CABLES1: variants seen among roughly 807,000 people sequenced by gnomAD.
CABLES1 encodes the protein Cdk5 and Abl enzyme substrate 1.
In CABLES1, 36 loss-of-function variants were observed where a neutral mutation model predicts 57.8. That is an observed-to-expected ratio of 0.62 (90% CI 0.48 to 0.82). The LOEUF (loss-of-function observed/expected upper bound fraction) is 0.82, where lower values mean the gene tolerates loss of function less well. Among genes scored for constraint, CABLES1 ranks in the 40% least tolerant of loss-of-function variants. The probability of loss-of-function intolerance (pLI) is 0.00; values close to 1 mark genes in which losing one functional copy is unlikely to be tolerated. For missense variants in CABLES1, 767 were observed against 836.6 expected (o/e 0.92, Z 1.03); for synonymous variants, 374 against 363.0 (o/e 1.03, Z -0.35).
intron 1 of CABLES1, among the ~76,000 whole-genome samples, chr18:23,165,535 C>G (rs78626195): frequency 0.048 from 7,347 of 151,974 alleles, 425 homozygotes; most frequent in African/African-American, 0.14. Flanking sequence ...CTCCTGCCCC[C>G]CCAGTCCCTG....
At chr18:23,166,738 A>G (rs528478618) in intron 1 of CABLES1, among the ~76,000 whole-genome samples, 6 of 152,180 alleles carry the variant, frequency 3.9e-5, no homozygotes, top group Admixed American at 1.3e-4. Context: ...TAGAGATCAA[A>G]CAGCATGTAC....
At chr18:23,246,505 C>T (rs978562201) in intron 7 of CABLES1, among the ~76,000 whole-genome samples, 2 of 152,068 alleles carry the variant, frequency 1.3e-5, no homozygotes, top group East Asian at 1.9e-4. Flanking sequence ...CATTCTCCTG[C>T]GTCAGCCTCC....
At chr18:23,226,649 C>A (rs1401786527) in intron 4 of CABLES1, among the ~76,000 whole-genome samples, 1 of 152,158 alleles carries the variant, frequency 6.6e-6, no homozygotes, top group Non-Finnish European at 1.5e-5. Flanking sequence ...AGCCCAGGAG[C>A]TTCTAGAGCA....
At chr18:23,158,259 A>G (rs567315259) in intron 1 of CABLES1, among the ~76,000 whole-genome samples, 18 of 152,240 alleles carry the variant, frequency 1.2e-4, no homozygotes, top group African/African-American at 4.1e-4. Flanking sequence ...CTGTGTTTGC[A>G]TCACTGCATT....
chr18:23,155,565 G>T (rs1261755772), intron 1 of CABLES1, among the ~76,000 whole-genome samples: 1 of 152,142 alleles, frequency 6.6e-6, no homozygotes, highest in South Asian at 2.1e-4. Context: ...ATTAGCATTG[G>T]CATCTCCCGC....
At chr18:23,177,418 T>TAC (rs10692529) in intron 1 of CABLES1, among the ~76,000 whole-genome samples, 67,004 of 144,506 alleles carry the variant, frequency 0.46, 15,902 homozygotes, top group Non-Finnish European at 0.53. Context: ...AGCACATGTG[T>TAC]ACACACACAC....
At chr18:23,237,660 T>C (rs1219171303) in intron 7 of CABLES1, among the ~76,000 whole-genome samples, 1 of 152,270 alleles carries the variant, frequency 6.6e-6, no homozygotes, top group East Asian at 1.9e-4. Flanking sequence ...GGCCCCAGGC[T>C]GGGGATGACA....
At chr18:23,202,016 G>A (rs527325871) in intron 3 of CABLES1, among the ~76,000 whole-genome samples, 1 of 152,016 alleles carries the variant, frequency 6.6e-6, no homozygotes, top group African/African-American at 2.4e-5. Flanking sequence ...GGAACTTTAG[G>A]AAAGCCCGCA....
At chr18:23,152,072 A>G (rs2046934626) in intron 1 of CABLES1, among the ~76,000 whole-genome samples, 1 of 152,180 alleles carries the variant, frequency 6.6e-6, no homozygotes, top group Admixed American at 6.5e-5. Context: ...TCTCTGAGAC[A>G]GGAGTATTAG....
chr18:23,143,011 G>C (rs2046867160), intron 1 of CABLES1, among the ~76,000 whole-genome samples: 1 of 152,128 alleles, frequency 6.6e-6, no homozygotes, highest in Admixed American at 6.5e-5. Flanking sequence ...ACTTGTCTGG[G>C]GTCCTGTGCT....
At chr18:23,201,350 C>T (rs75350620) in intron 3 of CABLES1, among the ~76,000 whole-genome samples, 6,343 of 152,278 alleles carry the variant, frequency 0.042, 155 homozygotes, top group Middle Eastern at 0.075. Flanking sequence ...CCAACCAGGG[C>T]GGGTCCCATC....
At chr18:23,185,917 A>G (rs145992962) in intron 1 of CABLES1, among the ~76,000 whole-genome samples, 1 of 152,336 alleles carries the variant, frequency 6.6e-6, no homozygotes, top group Non-Finnish European at 1.5e-5. Flanking sequence ...AGAGATAAAC[A>G]GTAAATCTTT....
At chr18:23,166,555 A>G (rs946239149) in intron 1 of CABLES1, among the ~76,000 whole-genome samples, 1 of 152,186 alleles carries the variant, frequency 6.6e-6, no homozygotes, top group Non-Finnish European at 1.5e-5. Flanking sequence ...AAAAAGGAAT[A>G]CTTGCATGAA....
chr18:23,234,741 G>A, intron 5 of CABLES1, 37 bp downstream of exon 5: 1 of 1,520,636 alleles, frequency 6.6e-7, no homozygotes, highest in Non-Finnish European at 9.1e-7. Flanking sequence ...AAGTTGTGCT[G>A]AAGGCACAAG....
At chr18:23,173,491 A>C (rs765628513) in intron 1 of CABLES1, among the ~76,000 whole-genome samples, 1 of 152,258 alleles carries the variant, frequency 6.6e-6, no homozygotes, top group Non-Finnish European at 1.5e-5. Flanking sequence ...TAAGGATCTT[A>C]GCAAGGGCTT....
intron 1 of CABLES1, among the ~76,000 whole-genome samples, chr18:23,179,763 C>T (rs923835871): frequency 2.0e-5 from 3 of 152,244 alleles, no homozygotes; most frequent in African/African-American, 4.8e-5. Flanking sequence ...CAAAACAAAG[C>T]ATGTGTCTAA....
chr18:23,247,846 G>A (rs778131106), intron 7 of CABLES1, among the ~76,000 whole-genome samples: 35 of 152,342 alleles, frequency 2.3e-4, no homozygotes, highest in Admixed American at 5.9e-4. Flanking sequence ...GGAGAGCCTC[G>A]TCCTCCTGGT....
intron 1 of CABLES1, among the ~76,000 whole-genome samples, chr18:23,181,031 G>A (rs534063004): frequency 6.6e-6 from 1 of 152,264 alleles, no homozygotes. Context: ...GTCGGTAAAG[G>A]AGGCTAGAAC....
chr18:23,237,314 T>C, intron 7 of CABLES1, 69 bp downstream of exon 7: 1 of 1,023,350 alleles, frequency 9.8e-7, no homozygotes, highest in East Asian at 2.4e-5. Flanking sequence ...GGTGGCCGGC[T>C]GGGGGCTTGT....
Sources: gnomAD v4.1 joint callset for allele counts (sites outside exome capture counted in the v4.1 genomes callset) on GRCh38, gnomAD v4.1.1 for gene constraint, MANE v1.5 for transcripts, NCBI Gene and HGNC (gene_info 2026-07-23, HGNC 2026-07-21) for gene names.